The following VPS45 variants were observed in gnomAD, a reference collection of about 807,000 sequenced individuals.
VPS45 encodes the protein vacuolar protein sorting 45 homolog.
VPS45 carries 35 observed loss-of-function variants against 75.9 expected under a neutral mutation model. That is an observed-to-expected ratio of 0.46 (90% CI 0.35 to 0.61). The LOEUF (loss-of-function observed/expected upper bound fraction) is 0.61. Among genes scored for constraint, VPS45 ranks in the 20% least tolerant of loss-of-function variants. VPS45 has a pLI of 0.00. For missense variants in VPS45, 559 were observed against 685.9 expected, an observed-to-expected ratio of 0.81 and a Z score of 2.07; for synonymous variants, 220 against 238.2, an observed-to-expected ratio of 0.92 and a Z score of 0.70.
At chr1:150,110,911 A>G (rs1657616578) in intron 14 of VPS45, among the ~76,000 whole-genome samples, 1 of 152,154 alleles carries the variant, frequency 6.6e-6, no homozygotes, top group Admixed American at 6.5e-5. Context: ...AAAAGGAGAA[A>G]CCCTTGGACC....
chr1:150,140,388 TGTG>T (rs1659330626), intron 14 of VPS45, among the ~76,000 whole-genome samples: 1 of 108,518 alleles, frequency 9.2e-6, no homozygotes, highest in African/African-American at 4.1e-5. Flanking sequence ...TCACTTCTGG[TGTG>T]TGTGTGTGTG....
chr1:150,125,701 C>A (rs1422707525), intron 14 of VPS45, among the ~76,000 whole-genome samples: 1 of 150,682 alleles, frequency 6.6e-6, no homozygotes, highest in Non-Finnish European at 1.5e-5. Flanking sequence ...ATTTTTTAAT[C>A]ATTTTTGAGA....
upstream of VPS45, chr1:150,067,704 C>T (rs1238345447): frequency 3.4e-5 from 24 of 706,294 alleles, no homozygotes; most frequent in Non-Finnish European, 5.9e-5. Flanking sequence ...TACACTCCAG[C>T]GGAACTACAA....
chr1:150,106,937 T>C (rs1307499705), intron 13 of VPS45, among the ~76,000 whole-genome samples: 2 of 152,142 alleles, frequency 1.3e-5, no homozygotes, highest in African/African-American at 4.8e-5. Context: ...GACTCTCAAT[T>C]CCCACCTTAT....
At chr1:150,072,103 C>A in intron 2 of VPS45, 63 bp from the exon 3 acceptor site, 1 of 1,410,884 alleles carries the variant, frequency 7.1e-7, no homozygotes, top group Non-Finnish European at 9.9e-7. Context: ...TGGGTGAATG[C>A]TTATTACTTT....
chr1:150,118,657 T>C (rs1167433585), intron 14 of VPS45, among the ~76,000 whole-genome samples: 4 of 152,242 alleles, frequency 2.6e-5, no homozygotes, highest in African/African-American at 9.6e-5. Flanking sequence ...CCACCTGCCT[T>C]GGCCTCCCAA....
chr1:150,084,480 T>G (rs1209293612), intron 10 of VPS45, among the ~76,000 whole-genome samples: 1 of 152,122 alleles, frequency 6.6e-6, no homozygotes, highest in Non-Finnish European at 1.5e-5. Flanking sequence ...GATATAAAGA[T>G]AGAATAAATC....
intron 2 of VPS45, among the ~76,000 whole-genome samples, chr1:150,071,257 C>A (rs1162776232): frequency 6.6e-6 from 1 of 152,054 alleles, no homozygotes; most frequent in Non-Finnish European, 1.5e-5. Flanking sequence ...TAATTGGAAT[C>A]TTATATTTTG....
chr1:150,093,679 C>G, intron 13 of VPS45, 31 bp downstream of exon 13: 1 of 1,596,914 alleles, frequency 6.3e-7, no homozygotes, highest in Non-Finnish European at 8.5e-7. Flanking sequence ...ATAATAAAAG[C>G]CAGAAATACT....
intron 2 of VPS45, among the ~76,000 whole-genome samples, chr1:150,070,036 C>G (rs1399124809): frequency 1.3e-5 from 2 of 152,134 alleles, no homozygotes; most frequent in Non-Finnish European, 1.5e-5. Flanking sequence ...GCTATATTCC[C>G]CTTGTCCCGT....
chr1:150,072,079 A>G lies in VPS45; in HGVS notation c.229-87A>G, dbSNP rs1433603167. 1.0e-5 allele frequency: 12 copies of G among 1,187,626 alleles called. No individual in the cohort carries two copies. The African/African-American group carries it at 1.1e-4, about 11-fold the overall frequency. 73.6% of individuals were successfully genotyped at this position (1,187,626 alleles called of 1,614,324 possible). On this transcript the variant is annotated intron_variant, in intron 2 of 14. Coordinates refer to ENST00000644510, the MANE Select transcript of VPS45 (RefSeq NM_007259.5). ...ACTTCAATATGCAGTAGACGCAGTA[A>G]ATAAACAAATCAATGGGTGAATGCT...
At chr1:150,103,060 T>TA (rs1429901047) in intron 13 of VPS45, among the ~76,000 whole-genome samples, 759 of 1,558 alleles carry the variant, frequency 0.49, 7 homozygotes, top group Admixed American at 0.5. Context: ...ATCCTATATA[T>TA]TTTTTTTTAT....
chr1:150,073,108 C>T (rs1655172251), intron 3 of VPS45, among the ~76,000 whole-genome samples: 1 of 152,154 alleles, frequency 6.6e-6, no homozygotes. Context: ...ATACAATTTA[C>T]ATGGATTTTT....
At chr1:150,084,193 T>C (rs1039501154) in intron 10 of VPS45, among the ~76,000 whole-genome samples, 2 of 152,122 alleles carry the variant, frequency 1.3e-5, no homozygotes, top group African/African-American at 4.8e-5. Flanking sequence ...TTAGATAAAA[T>C]TGAATTGGTA....
At chr1:150,110,350 CT>C (rs1231752872) in intron 13 of VPS45, 145 bp from the exon 14 acceptor site, 21 of 784,684 alleles carry the variant, frequency 2.7e-5, no homozygotes, top group South Asian at 6.0e-5. Context: ...ATAATTGAAA[CT>C]TTTTTTAAAC....
chr1:150,115,507 A>G (rs781926620), intron 14 of VPS45, among the ~76,000 whole-genome samples: 5 of 151,668 alleles, frequency 3.3e-5, no homozygotes, highest in Non-Finnish European at 5.9e-5. Flanking sequence ...CTGCTGTTAT[A>G]TCTGCTAACA....
At chr1:150,077,290 T>C in intron 6 of VPS45, 59 bp downstream of exon 6, 1 of 1,561,078 alleles carries the variant, frequency 6.4e-7, no homozygotes, top group Non-Finnish European at 8.7e-7. Context: ...CTCTATCATA[T>C]TTCAGAAACT....
intron 10 of VPS45, chr1:150,083,153 T>C (rs1655810604): frequency 7.0e-6 from 2 of 287,238 alleles, no homozygotes; most frequent in Non-Finnish European, 1.3e-5. Flanking sequence ...AAGATCTAGA[T>C]TGGAGTGTTT....
intron 13 of VPS45, among the ~76,000 whole-genome samples, chr1:150,105,434 A>G (rs1657268969): frequency 6.6e-6 from 1 of 152,228 alleles, no homozygotes; most frequent in Non-Finnish European, 1.5e-5. Flanking sequence ...TCAGGATACA[A>G]AATCAACATA....
Sources: allele counts gnomAD v4.1 joint callset (sites outside exome capture counted in the v4.1 genomes callset), GRCh38; gene constraint gnomAD v4.1.1; transcripts MANE v1.5; gene names NCBI Gene and HGNC (gene_info 2026-07-23, HGNC 2026-07-21).